Variants in ST6GALNAC6 observed in about 807,000 individuals in gnomAD.
The protein encoded by ST6GALNAC6 is ST6 N-acetylgalactosaminide alpha-2,6-sialyltransferase 6.
A neutral mutation model predicts 34.3 loss-of-function variants in ST6GALNAC6; 19 were observed. The observed-to-expected ratio is 0.55, with a 90% CI of 0.39 to 0.81. The LOEUF is 0.81. Among genes scored for constraint, ST6GALNAC6 ranks in the 40% least tolerant of loss-of-function variants. The pLI, the probability that ST6GALNAC6 is intolerant of heterozygous loss-of-function variation, is 0.00. For missense variants in ST6GALNAC6, 377 were observed against 467.7 expected, an observed-to-expected ratio of 0.81 and a Z score of 1.79; for synonymous variants, 185 against 182.1, an observed-to-expected ratio of 1.02 and a Z score of -0.13.
At chr9:127,893,470 G>A (rs980641580) in intron 4 of ST6GALNAC6, among the ~76,000 whole-genome samples, 8 of 152,000 alleles carry the variant, frequency 5.3e-5, no homozygotes, top group Non-Finnish European at 5.9e-5. Context: ...TTTTGCCCAC[G>A]GAATTCCCAT....
upstream of ST6GALNAC6, chr9:127,899,679 G>A: frequency 2.0e-6 from 2 of 983,948 alleles, no homozygotes; most frequent in Non-Finnish European, 2.4e-6. Flanking sequence ...GCGGAGCCTC[G>A]GGGCCGCGGG....
chr9:127,896,010 C>G (rs1040611200), intron 3 of ST6GALNAC6, among the ~76,000 whole-genome samples: 1 of 152,182 alleles, frequency 6.6e-6, no homozygotes, highest in East Asian at 1.9e-4. Flanking sequence ...GACCGTCAGG[C>G]CTGGGAAGGC....
intron 5 of ST6GALNAC6, among the ~76,000 whole-genome samples, chr9:127,888,104 A>T (rs1400295855): frequency 6.6e-6 from 1 of 152,172 alleles, no homozygotes. Context: ...TGCATTTCTT[A>T]GGTAGTATGG....
intron 2 of ST6GALNAC6, chr9:127,896,838 A>G (rs2131559529): frequency 1.0e-6 from 1 of 984,406 alleles, no homozygotes; most frequent in Non-Finnish European, 1.2e-6. Flanking sequence ...ACGTCCTCCC[A>G]TCCCCCCAGG....
In ST6GALNAC6 at chr9:127,891,020, C is replaced by G. The variant is rs746599041; in HGVS notation, c.321G>C (p.Gln107His). The G allele has an allele frequency of 1.9e-6, 3 of 1,614,052 alleles. No homozygotes were observed. The highest frequency in any genetic ancestry group is 2.5e-6 in the Non-Finnish European group (3 of 1,180,036). Reference protein sequence around the residue: ...GNKTLPSRCHQCVIVSSSSHL... With the variant: ...GNKTLPSRCHHCVIVSSSSHL... The stretch of plus-strand genomic sequence containing the variant: ...GGCTGGAGCTGCTGACAATCACACA[C>G]TGGTGGCACCGAGAGGGCAGTGTCT... The change falls in exon 5 of 7, where the codon CAG (glutamine) becomes CAC (histidine). Residue 107 changes from glutamine to histidine, a missense_variant. Physicochemically the swap from Gln to His is conservative, Grantham distance 24. Transcript: ENST00000373146.
upstream of ST6GALNAC6, among the ~76,000 whole-genome samples, chr9:127,899,994 A>G (rs1318561008): frequency 6.6e-6 from 1 of 152,160 alleles, no homozygotes; most frequent in Non-Finnish European, 1.5e-5. Flanking sequence ...ACCTGGGCAA[A>G]CTTAGGGTTC....
At chr9:127,894,342 GC>G (rs1229699812) in intron 4 of ST6GALNAC6, among the ~76,000 whole-genome samples, 169 bp downstream of exon 4, 1 of 152,108 alleles carries the variant, frequency 6.6e-6, no homozygotes, top group Non-Finnish European at 1.5e-5. Flanking sequence ...GAGAACTGAG[GC>G]CCAGACAGGG....
At chr9:127,898,287 G>A (rs1044472516) in intron 1 of ST6GALNAC6, among the ~76,000 whole-genome samples, 2 of 152,212 alleles carry the variant, frequency 1.3e-5, no homozygotes, top group East Asian at 1.9e-4. Flanking sequence ...CAGCTACTCC[G>A]GAGGCTGAGG....
chr9:127,906,242 C>CA (rs201475972), upstream of ST6GALNAC6, among the ~76,000 whole-genome samples: 2,187 of 140,628 alleles, frequency 0.016, 56 homozygotes, highest in African/African-American at 0.051. Context: ...AGTCCTCTTG[C>CA]AAAAAAAAAA....
intron 5 of ST6GALNAC6, 140 bp from the exon 6 acceptor site, chr9:127,887,731 T>C: frequency 1.5e-6 from 1 of 671,164 alleles, no homozygotes; most frequent in South Asian, 1.7e-5. Flanking sequence ...TTACCCCAAG[T>C]CCAGCCTCGC....
chr9:127,889,497 G>A (rs1019597700), intron 5 of ST6GALNAC6, among the ~76,000 whole-genome samples: 4 of 147,770 alleles, frequency 2.7e-5, no homozygotes, highest in Admixed American at 1.4e-4. Flanking sequence ...AGGCTGGAGT[G>A]CAATGGCAGG....
chr9:127,896,371 T>C, intron 2 of ST6GALNAC6, 39 bp from the exon 3 acceptor site: 1 of 1,561,896 alleles, frequency 6.4e-7, no homozygotes, highest in Non-Finnish European at 8.7e-7. Flanking sequence ...GCTTCGGTCC[T>C]TTGGGTCCAG....
At chr9:127,891,182 G>A in intron 4 of ST6GALNAC6, 139 bp from the exon 5 acceptor site, 1 of 1,097,346 alleles carries the variant, frequency 9.1e-7, no homozygotes, top group Non-Finnish European at 1.3e-6. Flanking sequence ...TCCACATTCA[G>A]CACACATTGA....
At chr9:127,896,718 C>T (rs889669141) in intron 2 of ST6GALNAC6, among the ~76,000 whole-genome samples, 7 of 152,132 alleles carry the variant, frequency 4.6e-5, no homozygotes, top group East Asian at 1.9e-4. Flanking sequence ...TGTAGGCCCC[C>T]GAACTCCTCT....
intron 4 of ST6GALNAC6, among the ~76,000 whole-genome samples, chr9:127,892,973 C>T (rs1419076205): frequency 6.6e-6 from 1 of 152,164 alleles, no homozygotes; most frequent in Non-Finnish European, 1.5e-5. Context: ...GAGAACTATC[C>T]CACGCCTCCT....
At chr9:127,893,397 C>G (rs1830263095) in intron 4 of ST6GALNAC6, among the ~76,000 whole-genome samples, 1 of 152,184 alleles carries the variant, frequency 6.6e-6, no homozygotes, top group South Asian at 2.1e-4. Context: ...GAAAGCCACT[C>G]TGGGCTTGTT....
Position 127,894,630 on chromosome 9 carries a change from C to T in ST6GALNAC6, c.179G>A (p.Ser60Asn). The T allele has an allele frequency of 1.9e-6, 3 of 1,614,170 alleles. No homozygotes were observed. The highest frequency in any genetic ancestry group is 2.5e-6 in the Non-Finnish European group (3 of 1,180,026). ...FALITILILY[S>N]SNSANEVFHY... ...GAAGACCTCATTGGCACTGTTGGAG[C>T]TGTAGAGGATGAGGATGGTGATGAG... The change falls in exon 4 of 7, where the codon AGC becomes AAC. Residue 60 changes from serine (S) to asparagine (N), a missense_variant. Coordinates refer to ENST00000373146, the MANE Select transcript of ST6GALNAC6 (RefSeq NM_013443.5).
At chr9:127,891,369 A>G (rs911872083) in intron 4 of ST6GALNAC6, among the ~76,000 whole-genome samples, 1 of 152,098 alleles carries the variant, frequency 6.6e-6, no homozygotes, top group African/African-American at 2.4e-5. Flanking sequence ...TAATCCCAGC[A>G]CTTTGGGAGG....
chr9:127,892,111 A>G (rs1830182810), intron 4 of ST6GALNAC6, among the ~76,000 whole-genome samples: 2 of 152,196 alleles, frequency 1.3e-5, no homozygotes, highest in Admixed American at 1.3e-4. Context: ...AGATCGAGCC[A>G]TTGCACTCCA....
Sources: allele counts gnomAD v4.1 joint callset (sites outside exome capture counted in the v4.1 genomes callset), GRCh38; gene constraint gnomAD v4.1.1; transcripts MANE v1.5; gene names NCBI Gene and HGNC (gene_info 2026-07-23, HGNC 2026-07-21).